Variants in MEST observed in about 807,000 individuals in gnomAD.
MEST encodes mesoderm specific transcript, also known as mesoderm-specific transcript homolog protein.
A neutral mutation model predicts 50.9 loss-of-function variants in MEST; 18 were observed. The observed-to-expected ratio is 0.35, with a 90% CI of 0.24 to 0.52. The LOEUF is 0.52. MEST is among the 20% of genes least tolerant of loss of function. The pLI is 0.94. For missense variants in MEST, 282 were observed against 425.3 expected (o/e 0.66, Z 2.96); for synonymous variants, 130 against 154.1 (o/e 0.84, Z 1.16).
chr7:130,497,054 C>A lies in MEST; in HGVS notation c.182-102C>A. Reference sequence around the variant, plus strand: ...TGTGTCATTTTAATGTCAATTTGGTCACAGTTGCTTGTTCTTTGTATCAGA... The same window carrying A: ...TGTGTCATTTTAATGTCAATTTGGTAACAGTTGCTTGTTCTTTGTATCAGA... On this transcript the variant is annotated intron_variant, in intron 2 of 11. Transcript: ENST00000223215. The surrounding 1 kb of genome is among the most constrained non-coding windows in gnomAD (Gnocchi z 4.0). 3 of 891,416 alleles carry A rather than the reference C, an allele frequency of 3.4e-6. No individual in the cohort carries two copies. The highest frequency in any genetic ancestry group is 3.4e-6 in the Non-Finnish European group (2 of 586,862). 55.2% of individuals were successfully genotyped at this position (891,416 alleles called of 1,614,324 possible). A position where few individuals can be genotyped will look rare whatever the true frequency, so the allele number is the denominator to read the frequency against.
At chr7:130,498,739 T>C (rs939813212) in intron 6 of MEST, 32 of 558,222 alleles carry the variant, frequency 5.7e-5, no homozygotes, top group African/African-American at 5.5e-4. Flanking sequence ...AGCTGCATTA[T>C]AGTCACATGT....
At chr7:130,491,850 C>A (rs1372706233), upstream of MEST, among the ~76,000 whole-genome samples, 4 of 151,998 alleles carry the variant, frequency 2.6e-5, no homozygotes, top group Admixed American at 2.0e-4. The surrounding 1 kb of genome is among the most constrained non-coding windows in gnomAD (Gnocchi z 6.8). Context: ...TCAGGGTTGG[C>A]GGTTAACGAG....
At chr7:130,501,258 A>G (rs892233983) in intron 9 of MEST, among the ~76,000 whole-genome samples, 2 of 152,128 alleles carry the variant, frequency 1.3e-5, no homozygotes, top group Admixed American at 6.5e-5. Flanking sequence ...GAGAATGTAG[A>G]CACTTTCACA....
chr7:130,492,453 C>G lies in MEST; in HGVS notation c.26+114C>G. 2.1e-6 allele frequency: 2 copies of G among 956,160 alleles called. No individual in the cohort carries two copies. The highest frequency in any genetic ancestry group is 1.4e-6 in the Non-Finnish European group (1 of 733,282). 59.2% of individuals were successfully genotyped at this position (956,160 alleles called of 1,614,324 possible). ...CTGGGGCTGCCTCTGGGCGAAAACT[C>G]TACCGACAGGCGGCACGCATTCCGC... On this transcript the variant is annotated intron_variant, in intron 1 of 11. Transcript: ENST00000223215. This position sits in a 1 kb window ranked among gnomAD's most constrained non-coding sequence, Gnocchi z 7.6.
In MEST at chr7:130,497,151, C is replaced by A. The variant is rs781786773; in HGVS notation, c.182-5C>A. 6.2e-7 allele frequency: 1 copy of A among 1,610,372 alleles called. No individual in the cohort carries two copies. The highest frequency in any genetic ancestry group is 8.5e-7 in the Non-Finnish European group (1 of 1,178,110). On this transcript the variant is annotated splice_polypyrimidine_tract_variant and splice_region_variant and intron_variant, in intron 2 of 11. Coordinates refer to ENST00000223215, the MANE Select transcript of MEST (RefSeq NM_002402.4). The surrounding 1 kb of genome is among the most constrained non-coding windows in gnomAD (Gnocchi z 4.0). ...CATAATTGATTGTACTTTCCTTCTT[C>A]CTAGACTCTGTGGGTGTGGTTGGAA...
chr7:130,501,156 C>T, intron 9 of MEST: 1 of 303,102 alleles, frequency 3.3e-6, no homozygotes, highest in Non-Finnish European at 6.1e-6. Flanking sequence ...AAGGCTCTTC[C>T]TTTTGCCTAT....
Position 130,500,958 on chromosome 7 carries a change from T to G in MEST, c.749+68T>G, listed in dbSNP as rs1799254630. On this transcript the variant is annotated intron_variant, in intron 9 of 11. Transcript: ENST00000223215. This position sits in a 1 kb window ranked among gnomAD's most constrained non-coding sequence, Gnocchi z 5.0. ...TGTGGAGAGTGGGGATTGCTTGTTC[T>G]GTTCCTTGCTGGCTTATTCCCTATC... 1 of 1,353,980 alleles carries G rather than the reference T, an allele frequency of 7.4e-7. No individual in the cohort carries two copies. Among genetic ancestry groups the G allele is most frequent in the South Asian group, 1.3e-5 (1 of 76,770 alleles). The allele number at this position is 1,353,980 out of a possible 1,614,324, so 83.9% of individuals were successfully genotyped here.
chr7:130,486,397 T>G lies in MEST; in HGVS notation c.-2+2T>G, dbSNP rs1324936673. 1 of 152,232 alleles carries G rather than the reference T, an allele frequency of 6.6e-6. No homozygotes were observed. Among genetic ancestry groups the G allele is most frequent in the Non-Finnish European group, 1.5e-5 (1 of 68,098 alleles). 9.4% of individuals were successfully genotyped at this position (152,232 alleles called of 1,614,324 possible). A position where few individuals can be genotyped will look rare whatever the true frequency, so the allele number is the denominator to read the frequency against. On this transcript the variant is annotated splice_donor_variant, in intron 1 of 11. Coordinates refer to the MEST transcript ENST00000341441. LOFTEE classifies it low-confidence loss of function (5UTR_SPLICE). Reference sequence around the variant, plus strand: ...TAGGCAAGGTCTTACCTGAATCAGGTAAGAGGCGGGCGGGGAAGGAGTGGA... The same window carrying G: ...TAGGCAAGGTCTTACCTGAATCAGGGAAGAGGCGGGCGGGGAAGGAGTGGA...
In MEST at chr7:130,500,384, TC is replaced by T; in HGVS notation, c.577-76del. The T allele has an allele frequency of 8.0e-7, 1 of 1,247,094 alleles. No homozygotes were observed. Among genetic ancestry groups the T allele is most frequent in the Non-Finnish European group, 1.1e-6 (1 of 879,486 alleles). 77.3% of individuals were successfully genotyped at this position (1,247,094 alleles called of 1,614,324 possible). ...CAGGAGATTTGGCTAAAGATTTAGT[TC>T]CTAGTATAAAACCTTTTGCCCCGGT... is the stretch of plus-strand genomic sequence containing the variant. On this transcript the variant is annotated intron_variant, in intron 7 of 11. Coordinates refer to ENST00000223215, the MANE Select transcript of MEST (RefSeq NM_002402.4). The surrounding 1 kb of genome is among the most constrained non-coding windows in gnomAD (Gnocchi z 5.0).
Position 130,497,297 on chromosome 7 carries a change from C to A in MEST, c.261+62C>A. The A allele has an allele frequency of 7.1e-7, 1 of 1,417,114 alleles. No homozygotes were observed. Among genetic ancestry groups the A allele is most frequent in the Non-Finnish European group, 9.8e-7 (1 of 1,017,584 alleles). 87.8% of individuals were successfully genotyped at this position (1,417,114 alleles called of 1,614,324 possible). A position where few individuals can be genotyped will look rare whatever the true frequency, so the allele number is the denominator to read the frequency against. On this transcript the variant is annotated intron_variant, in intron 3 of 11. Transcript: ENST00000223215. The surrounding 1 kb of genome is among the most constrained non-coding windows in gnomAD (Gnocchi z 4.0). The stretch of plus-strand genomic sequence containing the variant: ...AAAAAATCTCGGCCGGGCGCGGGGG[C>A]TCAAATCCTAGCACTTTGGGAGGCT...
intron 2 of MEST, chr7:130,496,017 CTTCA>C (rs1799044798): frequency 4.5e-6 from 2 of 448,410 alleles, no homozygotes; most frequent in Non-Finnish European, 9.0e-6. Context: ...TGTTTTCAGC[CTTCA>C]TTGTTTAATC....
intron 10 of MEST, 88 bp from the exon 11 acceptor site, chr7:130,503,845 A>G: frequency 2.0e-6 from 2 of 1,001,216 alleles, no homozygotes; most frequent in South Asian, 2.7e-5. Flanking sequence ...AGAAGAAAAC[A>G]TTTCTTTTCG....
At chr7:130,488,975 TTC>T (rs1258216722), upstream of MEST, 4 of 152,212 alleles carry the variant, frequency 2.6e-5, no homozygotes, top group Admixed American at 2.6e-4. Context: ...TCAACCAAGT[TTC>T]TCCCATTATG....
chr7:130,502,781 C>T, intron 10 of MEST, 61 bp downstream of exon 10: 1 of 1,215,082 alleles, frequency 8.2e-7, no homozygotes, highest in Non-Finnish European at 1.2e-6. Context: ...GTAATCGCAA[C>T]TCCTTTATAC....
rs1444560000 is a variant in MEST, at chr7:130,497,278, T to G, written c.261+43T>G. On this transcript the variant is annotated intron_variant, in intron 3 of 11. Coordinates refer to ENST00000223215, the MANE Select transcript of MEST (RefSeq NM_002402.4). This position sits in a 1 kb window ranked among gnomAD's most constrained non-coding sequence, Gnocchi z 4.0. The stretch of plus-strand genomic sequence containing the variant: ...CTACGTCCTACTATGTCTTAAAAAA[T>G]CTCGGCCGGGCGCGGGGGCTCAAAT... 1 of 1,564,506 alleles carries G rather than the reference T, an allele frequency of 6.4e-7. No individual in the cohort carries two copies. The highest frequency in any genetic ancestry group is 8.7e-7 in the Non-Finnish European group (1 of 1,143,412).
intron 11 of MEST, among the ~76,000 whole-genome samples, chr7:130,504,340 A>G (rs1332733270): frequency 6.6e-6 from 1 of 152,236 alleles, no homozygotes; most frequent in African/African-American, 2.4e-5. Context: ...AAGCCAATTC[A>G]TTGGTTTAGG....
chr7:130,502,778 C>T (rs782525587), intron 10 of MEST, 58 bp downstream of exon 10: 2 of 1,272,162 alleles, frequency 1.6e-6, no homozygotes, highest in East Asian at 2.3e-5. Context: ...AAAGTAATCG[C>T]AACTCCTTTA....
At chr7:130,493,791 A>T (rs782328313) in intron 1 of MEST, among the ~76,000 whole-genome samples, 4 of 152,216 alleles carry the variant, frequency 2.6e-5, no homozygotes, top group Non-Finnish European at 4.4e-5. Flanking sequence ...AAATCTGCAC[A>T]TGAAAATGTA....
At chr7:130,493,506 G>A (rs1199427152) in intron 1 of MEST, among the ~76,000 whole-genome samples, 1 of 152,176 alleles carries the variant, frequency 6.6e-6, no homozygotes, top group Non-Finnish European at 1.5e-5. Context: ...TTTTTACTGA[G>A]GTAATAAGAC....
Sources: gnomAD v4.1 joint callset for allele counts (sites outside exome capture counted in the v4.1 genomes callset) on GRCh38, gnomAD v4.1.1 for gene constraint, Gnocchi (gnomAD v3.1) non-coding constraint, MANE v1.5 for transcripts, NCBI Gene and HGNC (gene_info 2026-07-23, HGNC 2026-07-21) for gene names.